The following PCDH15 variants were observed in gnomAD, a reference collection of about 807,000 sequenced individuals.
The protein encoded by PCDH15 is protocadherin related 15, also known as protocadherin-15.
In PCDH15, 129 loss-of-function variants were observed where a neutral mutation model predicts 178.5. The ratio of observed to expected loss-of-function variants is 0.72; its 90% confidence interval spans 0.63 to 0.84. The LOEUF (loss-of-function observed/expected upper bound fraction) is 0.84. PCDH15 is among the 40% of genes least tolerant of loss of function. The probability of loss-of-function intolerance (pLI) is 0.00; values close to 1 mark genes in which losing one functional copy is unlikely to be tolerated. For synonymous variants in PCDH15, 800 were observed against 732.0 expected (o/e 1.09, Z -1.50); for missense variants, 2,230 against 2,099.9 (o/e 1.06, Z -1.21).
At chr10:55,497,027 A>G (rs1252414434) in intron 2 of PCDH15, among the ~76,000 whole-genome samples, 2 of 151,878 alleles carry the variant, frequency 1.3e-5, no homozygotes, top group Non-Finnish European at 2.9e-5. Flanking sequence ...TTTTAATGGG[A>G]AAGTGTTCTG....
rs530030004 is a variant in PCDH15 at position 55,237,829 on chromosome 10, C to CA, written c.-155-71179dup. On this transcript the variant is annotated intron_variant, in intron 1 of 5. Transcript: ENST00000458638. The stretch of plus-strand genomic sequence containing the variant: ...GAAATATTTTCAATGTATTGGAATT[C>CA]AAAAAAAAAATGGAACATAACAACA... 6.6e-3 allele frequency among the ~76,000 whole-genome samples: 943 copies of CA among 143,322 alleles called. 8 individuals are homozygous for CA. Among genetic ancestry groups the CA allele is most frequent in the East Asian group, 0.031 (152 of 4,962 alleles). The allele number at this position is 143,322 out of a possible 152,430, so 94.0% of individuals were successfully genotyped here. A position where few individuals can be genotyped will look rare whatever the true frequency, so the allele number is the denominator to read the frequency against.
At chr10:55,279,148 A>G (rs916635332) in intron 1 of PCDH15, among the ~76,000 whole-genome samples, 2 of 152,146 alleles carry the variant, frequency 1.3e-5, no homozygotes, top group Non-Finnish European at 2.9e-5. Context: ...TAAAACTAAG[A>G]CCATAAAGTT....
intron 1 of PCDH15, among the ~76,000 whole-genome samples, chr10:55,209,811 A>G (rs951921982): frequency 1.3e-5 from 2 of 152,130 alleles, no homozygotes; most frequent in African/African-American, 4.8e-5. Context: ...GTATCTGGAT[A>G]TAAGCACTAT....
chr10:54,299,307 A>G (rs2060006418), intron 8 of PCDH15, among the ~76,000 whole-genome samples: 1 of 150,296 alleles, frequency 6.7e-6, no homozygotes. Flanking sequence ...GGAAGAGACA[A>G]AGAGGGAGTC....
chr10:54,936,327 A>T lies in PCDH15; in HGVS notation c.-79-38827T>A, dbSNP rs538877639. On this transcript the variant is annotated intron_variant, in intron 2 of 5. Transcript: ENST00000458638. ...TTTCTACTTTTGACTATTATGAATG[A>T]CAATGCTTGAACATTGTGTACAGGT... Among the ~76,000 whole-genome samples the T allele has an allele frequency of 5.3e-5, 8 of 152,184 alleles. No individual in the cohort carries two copies. The East Asian group carries it at 1.2e-3, about 22-fold the overall frequency.
At position 55,130,334 on chromosome 10, in the gene PCDH15, G is replaced by T. The variant is rs544544013; in HGVS notation, c.-80+36242C>A. 4.4e-4 allele frequency among the ~76,000 whole-genome samples: 67 copies of T among 152,186 alleles called. 1 individual carries two copies. Among genetic ancestry groups the T allele is most frequent in the Admixed American group, 4.0e-3 (61 of 15,286 alleles). ...AGGAAGAGTCAAGGCCTAAAGAATAGCTAATACAAAAGCTGCAACACAAAG... is the reference window on the plus strand; with the variant it reads ...AGGAAGAGTCAAGGCCTAAAGAATATCTAATACAAAAGCTGCAACACAAAG... On this transcript the variant is annotated intron_variant, in intron 2 of 5. Coordinates refer to the PCDH15 transcript ENST00000458638.
At chr10:54,262,978 G>A (rs953486978) in intron 8 of PCDH15, among the ~76,000 whole-genome samples, 1 of 152,200 alleles carries the variant, frequency 6.6e-6, no homozygotes, top group Non-Finnish European at 1.5e-5. Context: ...ATCACGGGCT[G>A]CAAGCTCCAT....
chr10:54,735,493 T>C (rs547037945), intron 1 of PCDH15, among the ~76,000 whole-genome samples: 2 of 150,694 alleles, frequency 1.3e-5, no homozygotes, highest in South Asian at 4.2e-4. Flanking sequence ...AAATACCATT[T>C]GACCCAGCCA....
intron 10 of PCDH15, among the ~76,000 whole-genome samples, chr10:54,212,626 C>T (rs1020342124): frequency 6.6e-6 from 1 of 152,108 alleles, no homozygotes; most frequent in African/African-American, 2.4e-5. Flanking sequence ...CCGCTTTTTA[C>T]ACGTCTTCCT....
intron 8 of PCDH15, among the ~76,000 whole-genome samples, chr10:54,255,013 C>T (rs1564799313): frequency 6.6e-6 from 1 of 152,114 alleles, no homozygotes; most frequent in Non-Finnish European, 1.5e-5. Flanking sequence ...AGTGTAGGTA[C>T]CATCACACTC....
At chr10:54,853,474 T>A (rs1024109234) in intron 3 of PCDH15, among the ~76,000 whole-genome samples, 1 of 147,456 alleles carries the variant, frequency 6.8e-6, no homozygotes, top group African/African-American at 2.5e-5. Context: ...TATATATATA[T>A]ATAGTATTAC....
chr10:54,097,204 A>G (rs2094716516), intron 15 of PCDH15, among the ~76,000 whole-genome samples: 1 of 152,206 alleles, frequency 6.6e-6, no homozygotes, highest in Admixed American at 6.5e-5. Context: ...TGTCACTGCT[A>G]TACTCAAATT....
chr10:54,523,194 A>T (rs2083053378), intron 3 of PCDH15, among the ~76,000 whole-genome samples: 1 of 152,216 alleles, frequency 6.6e-6, no homozygotes, highest in South Asian at 2.1e-4. Context: ...ACTTGGATCA[A>T]TAATAAACAA....
chr10:53,937,508 G>T (rs543309695), intron 25 of PCDH15, among the ~76,000 whole-genome samples: 28 of 152,206 alleles, frequency 1.8e-4, no homozygotes, highest in Middle Eastern at 3.4e-3. Flanking sequence ...GAAACTCAAA[G>T]AATTCATCTG....
intron 27 of PCDH15, among the ~76,000 whole-genome samples, chr10:53,866,122 A>G (rs1375014654): frequency 1.3e-5 from 2 of 152,186 alleles, no homozygotes; most frequent in Non-Finnish European, 2.9e-5. Context: ...AGGCTAAACA[A>G]TGTCATCATT....
chr10:55,155,546 A>T (rs1838860833), intron 2 of PCDH15, among the ~76,000 whole-genome samples: 1 of 151,446 alleles, frequency 6.6e-6, no homozygotes, highest in Non-Finnish European at 1.5e-5. Context: ...AATATCATAG[A>T]TCAGAAAAAG....
intron 23 of PCDH15, among the ~76,000 whole-genome samples, chr10:53,948,330 A>C (rs1010409994): frequency 6.6e-6 from 1 of 152,096 alleles, no homozygotes; most frequent in Admixed American, 6.6e-5. Context: ...ATTTTTTTTT[A>C]GTGAGACCGA....
intron 5 of PCDH15, among the ~76,000 whole-genome samples, chr10:54,358,774 G>A (rs369031985): frequency 9.9e-5 from 15 of 151,758 alleles, no homozygotes; most frequent in East Asian, 1.9e-4. Context: ...ATGTCCAACA[G>A]TGATAGACTG....
chr10:54,671,191 G>A (rs569477327), intron 1 of PCDH15, among the ~76,000 whole-genome samples: 18 of 152,166 alleles, frequency 1.2e-4, no homozygotes, highest in South Asian at 4.1e-4. Context: ...TCAAGCAAAC[G>A]CATGCATCAT....
Sources: allele counts gnomAD v4.1 joint callset (sites outside exome capture counted in the v4.1 genomes callset), GRCh38; gene constraint gnomAD v4.1.1; transcripts MANE v1.5; gene names NCBI Gene and HGNC (gene_info 2026-07-23, HGNC 2026-07-21).